Variants in CSNK1G3 observed in about 807,000 individuals in gnomAD.
CSNK1G3 encodes casein kinase 1 gamma 3, also known as casein kinase I isoform gamma-3.
CSNK1G3 carries 23 observed loss-of-function variants against 64.3 expected under a neutral mutation model. The observed-to-expected ratio is 0.36, with a 90% confidence interval of 0.26 to 0.51. The LOEUF is 0.51. CSNK1G3 is among the 20% of genes least tolerant of loss of function. The probability of loss-of-function intolerance (pLI) is 0.96; values close to 1 mark genes in which losing one functional copy is unlikely to be tolerated. For synonymous variants in CSNK1G3, 158 were observed against 162.2 expected (o/e 0.97, Z 0.20); for missense variants, 357 against 510.5 (o/e 0.70, Z 2.90).
At chr5:123,526,578 A>G (rs1421417537) in intron 1 of CSNK1G3, among the ~76,000 whole-genome samples, 1 of 152,184 alleles carries the variant, frequency 6.6e-6, no homozygotes, top group Non-Finnish European at 1.5e-5. Flanking sequence ...CTTGCAGTCA[A>G]CTTCTCCCAC....
At chr5:123,514,497 A>C (rs1776790300) in intron 1 of CSNK1G3, among the ~76,000 whole-genome samples, 1 of 152,336 alleles carries the variant, frequency 6.6e-6, no homozygotes, top group South Asian at 2.1e-4. Context: ...TAGAATATGA[A>C]GATGAATGAG....
intron 2 of CSNK1G3, among the ~76,000 whole-genome samples, chr5:123,551,760 A>G (rs543067370): frequency 6.6e-6 from 1 of 152,196 alleles, no homozygotes; most frequent in South Asian, 2.1e-4. Context: ...TCAGTAGCCA[A>G]TGTGACCAGG....
At chr5:123,582,391 T>C (rs1790469102) in intron 6 of CSNK1G3, among the ~76,000 whole-genome samples, 1 of 152,178 alleles carries the variant, frequency 6.6e-6, no homozygotes, top group African/African-American at 2.4e-5. Context: ...TTCTGAGCTT[T>C]ACTTTCCTTA....
intron 10 of CSNK1G3, among the ~76,000 whole-genome samples, chr5:123,593,482 A>G (rs947642892): frequency 6.6e-6 from 1 of 151,946 alleles, no homozygotes; most frequent in Non-Finnish European, 1.5e-5. Flanking sequence ...GGATCCTGAA[A>G]TTGTTGGGTA....
intron 1 of CSNK1G3, among the ~76,000 whole-genome samples, chr5:123,545,155 A>G (rs756461824): frequency 2.0e-5 from 3 of 152,128 alleles, no homozygotes; most frequent in Non-Finnish European, 2.9e-5. Context: ...TAGTGAATGT[A>G]TGTTGATTTA....
At chr5:123,554,780 C>T (rs1784327301) in intron 3 of CSNK1G3, among the ~76,000 whole-genome samples, 1 of 152,224 alleles carries the variant, frequency 6.6e-6, no homozygotes, top group African/African-American at 2.4e-5. Context: ...ATTGATACAA[C>T]AGCCTGTAGT....
chr5:123,612,326 A>AT (rs1796474921), intron 12 of CSNK1G3, among the ~76,000 whole-genome samples: 1 of 152,188 alleles, frequency 6.6e-6, no homozygotes, highest in South Asian at 2.1e-4. Context: ...ATTTAAAATT[A>AT]TTTTTGACTA....
rs186190118 is a variant in CSNK1G3 at position 123,605,890 on chromosome 5, T to C, written c.1217+528T>C. Reference sequence around the variant, plus strand: ...AAATCCTCATCTAAATGGTTGCTAATAATTGCAGATATTATGGAAAGTAAC... The same window carrying C: ...AAATCCTCATCTAAATGGTTGCTAACAATTGCAGATATTATGGAAAGTAAC... On this transcript the variant is annotated intron_variant, in intron 12 of 12. Transcript: ENST00000345990. Among the ~76,000 whole-genome samples the C allele has an allele frequency of 1.7e-4, 26 of 152,210 alleles. No homozygotes were observed. In the East Asian group the frequency reaches 3.3e-3, roughly 19 times the overall value.
chr5:123,535,954 C>T (rs1428073029), intron 1 of CSNK1G3, among the ~76,000 whole-genome samples: 2 of 152,094 alleles, frequency 1.3e-5, no homozygotes, highest in South Asian at 2.1e-4. Flanking sequence ...TTCTTGCATT[C>T]TCCCATTCAT....
At chr5:123,561,637 G>T (rs115647514) in intron 4 of CSNK1G3, among the ~76,000 whole-genome samples, 4 of 152,250 alleles carry the variant, frequency 2.6e-5, no homozygotes, top group African/African-American at 9.6e-5. Context: ...TACTATTTGT[G>T]TAAAGACAAC....
chr5:123,521,141 C>T (rs1778024198), intron 1 of CSNK1G3, among the ~76,000 whole-genome samples: 1 of 151,586 alleles, frequency 6.6e-6, no homozygotes. Flanking sequence ...TTTTAGATGA[C>T]CTTGAAAAAA....
intron 1 of CSNK1G3, among the ~76,000 whole-genome samples, chr5:123,521,831 G>A (rs146249015): frequency 9.3e-4 from 142 of 151,992 alleles, no homozygotes; most frequent in African/African-American, 3.2e-3. Flanking sequence ...TTCTTGGCCC[G>A]AGTTCATATT....
exon 11 of CSNK1G3, chr5:123,604,796 G>T (rs754210069): frequency 1.2e-6 from 2 of 1,610,894 alleles, no homozygotes; most frequent in Non-Finnish European, 1.7e-6. Flanking sequence ...ACCCATCACA[G>T]CCCCTACTGA....
chr5:123,610,264 C>G (rs1357916851), intron 12 of CSNK1G3, among the ~76,000 whole-genome samples: 1 of 151,984 alleles, frequency 6.6e-6, no homozygotes, highest in Non-Finnish European at 1.5e-5. Context: ...AGGTTTAAAC[C>G]TTAAGGGGAA....
intron 12 of CSNK1G3, 142 bp from the exon 14 acceptor site, chr5:123,614,200 A>G (rs1242168238): frequency 3.1e-6 from 2 of 640,388 alleles, no homozygotes; most frequent in Non-Finnish European, 5.2e-6. Context: ...ATTTTCACTA[A>G]TACGTATGCT....
chr5:123,562,912 AAAGT>A (rs777562356), intron 4 of CSNK1G3, among the ~76,000 whole-genome samples: 2 of 152,164 alleles, frequency 1.3e-5, no homozygotes, highest in South Asian at 2.1e-4. Context: ...CATTTACTTG[AAAGT>A]AAGTATATCT....
intron 2 of CSNK1G3, among the ~76,000 whole-genome samples, chr5:123,548,119 T>C (rs1165008360): frequency 2.0e-5 from 3 of 152,108 alleles, no homozygotes; most frequent in Non-Finnish European, 4.4e-5. Flanking sequence ...GGCAGTTCTT[T>C]TTTGGGGTAG....
chr5:123,528,569 C>A (rs368346705), intron 1 of CSNK1G3, among the ~76,000 whole-genome samples: 4 of 152,014 alleles, frequency 2.6e-5, no homozygotes, highest in African/African-American at 9.7e-5. Flanking sequence ...TCCTCTAAAT[C>A]GGTAGTGAGG....
At chr5:123,526,437 T>C (rs1005481357) in intron 1 of CSNK1G3, among the ~76,000 whole-genome samples, 2 of 152,100 alleles carry the variant, frequency 1.3e-5, no homozygotes, top group Admixed American at 1.3e-4. Flanking sequence ...AAAGGAAATA[T>C]TCTCTTTTTT....
Sources: allele counts gnomAD v4.1 joint callset (sites outside exome capture counted in the v4.1 genomes callset), GRCh38; gene constraint gnomAD v4.1.1; transcripts MANE v1.5; gene names NCBI Gene and HGNC (gene_info 2026-07-23, HGNC 2026-07-21).